Variants in PLD5 observed in about 807,000 individuals in gnomAD.
The protein encoded by PLD5 is inactive phospholipase D5.
Under a neutral mutation model 61.1 loss-of-function variants are expected in PLD5, and 36 were observed. The ratio of observed to expected loss-of-function variants is 0.59; its 90% CI spans 0.45 to 0.78. The LOEUF (loss-of-function observed/expected upper bound fraction) is 0.78. Among genes scored for constraint, PLD5 ranks in the 30% least tolerant of loss-of-function variants. The pLI, the probability that PLD5 is intolerant of heterozygous loss-of-function variation, is 0.00. For synonymous variants in PLD5, 243 were observed against 242.8 expected, an observed-to-expected ratio of 1.00 and a Z score of -0.01; for missense variants, 515 against 644.4, an observed-to-expected ratio of 0.80 and a Z score of 2.17.
intron 5 of PLD5, among the ~76,000 whole-genome samples, chr1:242,209,930 G>T (rs1430579616): frequency 6.6e-6 from 1 of 152,122 alleles, no homozygotes; most frequent in African/African-American, 2.4e-5. Context: ...GAGTAGCTGG[G>T]ATTACAGGCA....
At chr1:242,230,503 T>A (rs1671230944) in intron 4 of PLD5, among the ~76,000 whole-genome samples, 1 of 152,194 alleles carries the variant, frequency 6.6e-6, no homozygotes, top group Non-Finnish European at 1.5e-5. Flanking sequence ...ATGAAAAAAA[T>A]CATAGTTCGC....
intron 1 of PLD5, among the ~76,000 whole-genome samples, chr1:242,518,314 T>C (rs1669170124): frequency 6.6e-6 from 1 of 152,236 alleles, no homozygotes; most frequent in African/African-American, 2.4e-5. Flanking sequence ...ACCTTTCAAC[T>C]GCACCTCAAC....
intron 1 of PLD5, among the ~76,000 whole-genome samples, chr1:242,389,336 T>C (rs1662785118): frequency 6.6e-6 from 1 of 152,178 alleles, no homozygotes; most frequent in Non-Finnish European, 1.5e-5. Context: ...TGTAATTTAA[T>C]ACGCATCTTA....
At chr1:242,330,068 T>C (rs1198485811) in intron 2 of PLD5, among the ~76,000 whole-genome samples, 2 of 152,200 alleles carry the variant, frequency 1.3e-5, no homozygotes, top group Non-Finnish European at 2.9e-5. Context: ...ATTGAAATTA[T>C]GATCCTCTTG....
intron 4 of PLD5, among the ~76,000 whole-genome samples, chr1:242,231,939 G>GAAAA (rs985277684): frequency 9.0e-6 from 1 of 111,724 alleles, no homozygotes. Context: ...TTAAAATAAG[G>GAAAA]AAAAAAAAAA....
At chr1:242,406,969 C>T (rs1030185197) in intron 1 of PLD5, among the ~76,000 whole-genome samples, 6 of 152,120 alleles carry the variant, frequency 3.9e-5, no homozygotes, top group African/African-American at 7.2e-5. Flanking sequence ...TTTGTTTCTG[C>T]AATGACTTTA....
At position 242,363,190 on chromosome 1, in the gene PLD5, C is replaced by T. The variant is rs544328628; in HGVS notation, c.190-14948G>A. On this transcript the variant is annotated intron_variant, in intron 1 of 9. Transcript: ENST00000536534. ...TGGAAGGAGCAGATGGAATAATCGC[C>T]AACCCACACACAAGGCCAGAAAGAG... Among the ~76,000 whole-genome samples the T allele has an allele frequency of 8.6e-4, 131 of 152,114 alleles. 1 individual carries two copies. Among genetic ancestry groups the T allele is most frequent in the Non-Finnish European group, 1.5e-3 (103 of 68,000 alleles).
chr1:242,218,863 C>T (rs1056425397), intron 5 of PLD5, among the ~76,000 whole-genome samples: 1 of 152,042 alleles, frequency 6.6e-6, no homozygotes, highest in African/African-American at 2.4e-5. Context: ...AGGAGTATTT[C>T]CAAGAAAGAA....
intron 8 of PLD5, among the ~76,000 whole-genome samples, chr1:242,107,198 G>A (rs763455419): frequency 6.6e-6 from 1 of 152,092 alleles, no homozygotes; most frequent in Non-Finnish European, 1.5e-5. Flanking sequence ...GGAGAGGGCC[G>A]GGTGCGGTGG....
rs369570125 is a variant in PLD5 at position 242,495,214 on chromosome 1, C to T, written c.189+28874G>A. ...TCTAATTGACAAAGTCCTCTCCAAT[C>T]TCCCCCAACCAGTGCCCAGCTGGGA... On this transcript the variant is annotated intron_variant, in intron 1 of 9. Transcript: ENST00000536534. Among the ~76,000 whole-genome samples, 27 of 152,180 alleles carry T rather than the reference C, an allele frequency of 1.8e-4. 1 individual carries two copies. The highest frequency in any genetic ancestry group is 5.5e-4 in the African/African-American group (23 of 41,522).
chr1:242,353,640 G>T (rs1660596994), intron 1 of PLD5, among the ~76,000 whole-genome samples: 1 of 151,910 alleles, frequency 6.6e-6, no homozygotes, highest in African/African-American at 2.4e-5. Context: ...TATCTATTCA[G>T]GTCCTTTGCA....
At chr1:242,381,412 G>C (rs1662271382) in intron 1 of PLD5, among the ~76,000 whole-genome samples, 1 of 152,124 alleles carries the variant, frequency 6.6e-6, no homozygotes, top group African/African-American at 2.4e-5. Context: ...GTGAGGGAGG[G>C]GGAAGGAGGC....
At chr1:242,109,608 C>T (rs1661325422) in intron 7 of PLD5, among the ~76,000 whole-genome samples, 1 of 152,266 alleles carries the variant, frequency 6.6e-6, no homozygotes, top group Non-Finnish European at 1.5e-5. Context: ...AGATCTCTCA[C>T]CACCTTACCT....
At chr1:242,136,108 T>A (rs1383433594) in intron 5 of PLD5, among the ~76,000 whole-genome samples, 1 of 152,206 alleles carries the variant, frequency 6.6e-6, no homozygotes, top group Non-Finnish European at 1.5e-5. Flanking sequence ...GTGACTCCTT[T>A]AACTTTGGCA....
chr1:242,278,173 G>GA (rs1291296853), intron 3 of PLD5, among the ~76,000 whole-genome samples: 1 of 151,668 alleles, frequency 6.6e-6, no homozygotes, highest in Non-Finnish European at 1.5e-5. Flanking sequence ...AATGACAAAG[G>GA]AAAAAATCTG....
At position 242,215,275 on chromosome 1, in the gene PLD5, C is replaced by G. The variant is rs146863287; in HGVS notation, c.735+4713G>C. Among the ~76,000 whole-genome samples, 855 of 152,076 alleles carry G rather than the reference C, an allele frequency of 5.6e-3. 10 individuals are homozygous for G. Among genetic ancestry groups the G allele is most frequent in the African/African-American group, 0.02 (827 of 41,492 alleles). On this transcript the variant is annotated intron_variant, in intron 5 of 9. Coordinates refer to ENST00000536534, the MANE Select transcript of PLD5 (RefSeq NM_001372062.1). ...GTTCAGCTTATGCCAATTCACAATT[C>G]CAACAATTTTGTCACATGTGGAATA...
chr1:242,349,959 T>G (rs1660381147), intron 1 of PLD5, among the ~76,000 whole-genome samples: 1 of 152,102 alleles, frequency 6.6e-6, no homozygotes, highest in Non-Finnish European at 1.5e-5. Context: ...GACTGCTTGA[T>G]TCCAGGGTTT....
At chr1:242,413,845 A>C (rs1366578626) in intron 1 of PLD5, among the ~76,000 whole-genome samples, 1 of 152,180 alleles carries the variant, frequency 6.6e-6, no homozygotes, top group East Asian at 1.9e-4. Context: ...AGGATTGCTA[A>C]AGGCTAATTT....
chr1:242,453,944 A>G (rs1400469882), intron 1 of PLD5, among the ~76,000 whole-genome samples: 2 of 152,328 alleles, frequency 1.3e-5, no homozygotes, highest in Non-Finnish European at 2.9e-5. Flanking sequence ...TCACAGTTGC[A>G]GCTAATTCAG....
Sources: allele counts gnomAD v4.1 joint callset (sites outside exome capture counted in the v4.1 genomes callset), GRCh38; gene constraint gnomAD v4.1.1; transcripts MANE v1.5; gene names NCBI Gene and HGNC (gene_info 2026-07-23, HGNC 2026-07-21).